Variants in ABCC4 observed in about 807,000 individuals in gnomAD.
ABCC4 encodes the protein ATP binding cassette subfamily C member 4 (PEL blood group).
A neutral mutation model predicts 168.5 loss-of-function variants in ABCC4; 102 were observed. That is an observed-to-expected ratio of 0.61 (90% CI 0.52 to 0.71). The LOEUF (loss-of-function observed/expected upper bound fraction) is 0.71. ABCC4 is among the 30% of genes least tolerant of loss of function. ABCC4 has a pLI of 0.00. For missense variants in ABCC4, 1,402 were observed against 1,605.8 expected (o/e 0.87, Z 2.17); for synonymous variants, 617 against 590.7 (o/e 1.04, Z -0.65).
chr13:95,112,384 G>C (rs913291502), intron 20 of ABCC4, among the ~76,000 whole-genome samples: 1 of 151,622 alleles, frequency 6.6e-6, no homozygotes, highest in African/African-American at 2.4e-5. Context: ...ATGGATAAAT[G>C]CAACTACATT....
chr13:95,206,675 C>G lies in ABCC4; in HGVS notation c.1018G>C (p.Val340Leu), dbSNP rs747930679. 7 of 1,614,132 alleles carry G rather than the reference C, an allele frequency of 4.3e-6. No individual in the cohort carries two copies. In the African/African-American group the frequency reaches 5.3e-5, roughly 12 times the overall value. ...GCTGTGATCACACTGCCGAGGAGCA[C>G]GTAGGTGGTGAAGGTCACAAACACG... is the stretch of plus-strand genomic sequence containing the variant. ...IIVFVTFTTY[V>L]LLGSVITASR... Residue 340 changes from valine (V) to leucine (L), a missense_variant, in exon 8 of 31, where the codon GTG becomes CTG. Transcript: ENST00000645237.
intron 8 of ABCC4, 145 bp downstream of exon 8, chr13:95,206,387 T>C (rs2139673553): frequency 1.9e-6 from 2 of 1,069,776 alleles, no homozygotes; most frequent in African/African-American, 1.6e-5. Context: ...GATAGGGAAG[T>C]ACACACAACA....
chr13:95,055,298 C>T (rs2033012049), intron 26 of ABCC4, among the ~76,000 whole-genome samples: 1 of 152,306 alleles, frequency 6.6e-6, no homozygotes, highest in South Asian at 2.1e-4. Flanking sequence ...GCAGGCAGAA[C>T]ATTTCAGAGT....
intron 4 of ABCC4, among the ~76,000 whole-genome samples, chr13:95,216,012 T>C (rs75291650): frequency 2.4e-3 from 369 of 152,322 alleles, no homozygotes; most frequent in Non-Finnish European, 3.6e-3. Flanking sequence ...TACCAGAATA[T>C]ATAGACCAAG....
chr13:95,090,389 A>C (rs2034393293), intron 20 of ABCC4, among the ~76,000 whole-genome samples: 1 of 152,172 alleles, frequency 6.6e-6, no homozygotes, highest in Non-Finnish European at 1.5e-5. Context: ...CCTCCACCGG[A>C]ACAGGTGCTG....
At chr13:95,184,024 C>G (rs2037982921) in intron 11 of ABCC4, among the ~76,000 whole-genome samples, 1 of 152,220 alleles carries the variant, frequency 6.6e-6, no homozygotes, top group Admixed American at 6.5e-5. Context: ...TGGAACCATG[C>G]ACAGGGGGCC....
At chr13:95,250,378 T>G (rs535057648) in intron 1 of ABCC4, among the ~76,000 whole-genome samples, 1 of 152,320 alleles carries the variant, frequency 6.6e-6, no homozygotes, top group Non-Finnish European at 1.5e-5. Flanking sequence ...TTCAGGGCAA[T>G]GACTACTGCC....
At chr13:95,187,813 C>T (rs558872152) in intron 10 of ABCC4, among the ~76,000 whole-genome samples, 137 of 152,218 alleles carry the variant, frequency 9.0e-4, no homozygotes, top group African/African-American at 3.0e-3. Flanking sequence ...TAAGTCTGTA[C>T]GCACGTTTCC....
At chr13:95,044,489 G>T in intron 27 of ABCC4, 51 bp from the exon 28 acceptor site, 1 of 1,537,036 alleles carries the variant, frequency 6.5e-7, no homozygotes, top group Non-Finnish European at 8.8e-7. Context: ...CGCTATGGAA[G>T]TAGTCAAGCC....
At chr13:95,155,831 T>C (rs969788880) in intron 19 of ABCC4, among the ~76,000 whole-genome samples, 2 of 152,230 alleles carry the variant, frequency 1.3e-5, no homozygotes, top group Non-Finnish European at 2.9e-5. Flanking sequence ...AGAGTCAGTG[T>C]ACTTAGCTAA....
At position 95,244,615 on chromosome 13, in the gene ABCC4, AAG is replaced by A. The variant is rs377446090; in HGVS notation, c.306+2358_306+2359del. ...ATAACATGAAAGAAAGAAAGAAAGA[AAG>A]AAAGAAAGAAAGAAAGAAAGAAAGA... is the stretch of plus-strand genomic sequence containing the variant. On this transcript the variant is annotated intron_variant, in intron 3 of 30. Coordinates refer to ENST00000645237, the MANE Select transcript of ABCC4 (RefSeq NM_005845.5). Among the ~76,000 whole-genome samples the A allele has an allele frequency of 1.8e-3, 107 of 60,676 alleles. 6 individuals carry two copies. The highest frequency in any genetic ancestry group is 0.012 in the African/African-American group (98 of 8,178). 39.8% of individuals were successfully genotyped at this position (60,676 alleles called of 152,430 possible). A position where few individuals can be genotyped will look rare whatever the true frequency, so the allele number is the denominator to read the frequency against.
At chr13:95,060,724 TA>T (rs1555306260) in intron 26 of ABCC4, among the ~76,000 whole-genome samples, 4 of 152,210 alleles carry the variant, frequency 2.6e-5, no homozygotes, top group Non-Finnish European at 5.9e-5. Context: ...AAACTAAAAA[TA>T]AAAATTGTGG....
chr13:95,121,506 T>A (rs2035570971), intron 19 of ABCC4, among the ~76,000 whole-genome samples: 1 of 150,940 alleles, frequency 6.6e-6, no homozygotes, highest in Non-Finnish European at 1.5e-5. Flanking sequence ...CTCCCTGGGC[T>A]CAACTGATCC....
chr13:95,143,423 C>T (rs1444443226), intron 19 of ABCC4, among the ~76,000 whole-genome samples: 1 of 152,154 alleles, frequency 6.6e-6, no homozygotes, highest in African/African-American at 2.4e-5. Context: ...ATAATTAAAT[C>T]TAAAATTTAT....
In ABCC4 at chr13:95,294,047, C is replaced by T. The variant is rs140161901; in HGVS notation, c.74+7194G>A. Among the ~76,000 whole-genome samples, 142 of 152,138 alleles carry T rather than the reference C, an allele frequency of 9.3e-4. 4 individuals carry two copies. The East Asian group carries it at 0.019, about 20-fold the overall frequency. Reference sequence around the variant, plus strand: ...TGAGGGAGGCAGCCACTGTATCGTGCAAATAATGCTAGCTATTAAACAAGC... The same window carrying T: ...TGAGGGAGGCAGCCACTGTATCGTGTAAATAATGCTAGCTATTAAACAAGC... On this transcript the variant is annotated intron_variant, in intron 1 of 30. Coordinates refer to ENST00000645237, the MANE Select transcript of ABCC4 (RefSeq NM_005845.5).
At chr13:95,195,945 T>C (rs534472944) in intron 8 of ABCC4, among the ~76,000 whole-genome samples, 25 of 152,140 alleles carry the variant, frequency 1.6e-4, no homozygotes, top group Non-Finnish European at 3.1e-4. Context: ...ACACTTATCT[T>C]TTTTCCTTAG....
intron 20 of ABCC4, 72 bp downstream of exon 20, chr13:95,115,850 C>A: frequency 1.6e-6 from 2 of 1,275,682 alleles, no homozygotes; most frequent in Non-Finnish European, 2.3e-6. Flanking sequence ...CCCCCAGACC[C>A]CATGAAAAGG....
chr13:95,235,683 A>C (rs750291583), intron 3 of ABCC4, among the ~76,000 whole-genome samples: 4 of 151,868 alleles, frequency 2.6e-5, no homozygotes, highest in Non-Finnish European at 5.9e-5. Context: ...GGTAGATCTA[A>C]CACCACCAAG....
At chr13:95,271,208 A>G (rs1395488406) in intron 1 of ABCC4, among the ~76,000 whole-genome samples, 2 of 152,228 alleles carry the variant, frequency 1.3e-5, no homozygotes, top group African/African-American at 4.8e-5. Context: ...GCTCAGATCT[A>G]TGATTAACTC....
Sources: gnomAD v4.1 joint callset for allele counts (sites outside exome capture counted in the v4.1 genomes callset) on GRCh38, gnomAD v4.1.1 for gene constraint, MANE v1.5 for transcripts, NCBI Gene and HGNC (gene_info 2026-07-23, HGNC 2026-07-21) for gene names.